SLC24A2: variants seen among roughly 807,000 people sequenced by gnomAD.
SLC24A2 encodes the protein sodium/potassium/calcium exchanger 2.
In SLC24A2, 36 loss-of-function variants were observed where a neutral mutation model predicts 62.0. The ratio of observed to expected loss-of-function variants is 0.58; its 90% confidence interval spans 0.44 to 0.77. The LOEUF (loss-of-function observed/expected upper bound fraction) is 0.77, where lower values mean the gene tolerates loss of function less well. SLC24A2 is among the 30% of genes least tolerant of loss of function. The pLI, the probability that SLC24A2 is intolerant of heterozygous loss-of-function variation, is 0.00. For missense variants in SLC24A2, 846 were observed against 817.9 expected (o/e 1.03, Z -0.42); for synonymous variants, 358 against 294.0 (o/e 1.22, Z -2.23).
chr9:19,680,561 C>T (rs541928576), intron 2 of SLC24A2, among the ~76,000 whole-genome samples: 7 of 151,332 alleles, frequency 4.6e-5, no homozygotes, highest in Admixed American at 2.6e-4. Context: ...AATGCTTTAA[C>T]GCCACTTTCT....
At chr9:20,177,195 C>G in the SLC24A2 span, among the ~76,000 whole-genome samples, 1 of 151,972 alleles carries the variant, frequency 6.6e-6, no homozygotes, top group Non-Finnish European at 1.5e-5. Flanking sequence ...ATCTGTTTGT[C>G]AATTTAAGTT....
At chr9:19,683,385 G>A (rs894476794) in intron 2 of SLC24A2, among the ~76,000 whole-genome samples, 8 of 152,114 alleles carry the variant, frequency 5.3e-5, no homozygotes, top group African/African-American at 7.2e-5. Flanking sequence ...GATGTTGAGC[G>A]GTATCTTGAA....
intron 2 of SLC24A2, among the ~76,000 whole-genome samples, chr9:19,749,256 A>C (rs1270140614): frequency 6.6e-6 from 1 of 152,054 alleles, no homozygotes; most frequent in Non-Finnish European, 1.5e-5. Flanking sequence ...AGAACAGCAT[A>C]CATTTCATTT....
At chr9:19,832,020 G>C in the SLC24A2 span, among the ~76,000 whole-genome samples, 1 of 152,178 alleles carries the variant, frequency 6.6e-6, no homozygotes, top group Non-Finnish European at 1.5e-5. Flanking sequence ...TTTGTTGTTT[G>C]TTGTGAAGTC....
chr9:19,684,062 G>T (rs1336506477), intron 2 of SLC24A2, among the ~76,000 whole-genome samples: 1 of 152,140 alleles, frequency 6.6e-6, no homozygotes, highest in Admixed American at 6.6e-5. Flanking sequence ...CAAGAATTGG[G>T]TTTAAAAACA....
the SLC24A2 span, among the ~76,000 whole-genome samples, chr9:20,154,357 C>T: frequency 3.4e-3 from 518 of 151,780 alleles, 1 homozygote; most frequent in African/African-American, 0.012. Context: ...CTTCTGGATT[C>T]AATGGAGCAC....
chr9:19,713,384 G>C (rs115704790), intron 2 of SLC24A2, among the ~76,000 whole-genome samples: 20 of 152,252 alleles, frequency 1.3e-4, no homozygotes, highest in African/African-American at 4.3e-4. Context: ...TAAGGCTTTA[G>C]CACATTTTCT....
chr9:19,691,064 G>A (rs1381139070), intron 2 of SLC24A2, among the ~76,000 whole-genome samples: 2 of 152,072 alleles, frequency 1.3e-5, no homozygotes, highest in African/African-American at 2.4e-5. Context: ...ATAATTTCAG[G>A]CCCCAGACGT....
At chr9:20,023,926 A>G in the SLC24A2 span, among the ~76,000 whole-genome samples, 1 of 152,234 alleles carries the variant, frequency 6.6e-6, no homozygotes, top group Non-Finnish European at 1.5e-5. Context: ...AGAGTGAGGA[A>G]GCTCTGTGCT....
At chr9:20,117,820 C>T in the SLC24A2 span, among the ~76,000 whole-genome samples, 1 of 152,018 alleles carries the variant, frequency 6.6e-6, no homozygotes, top group African/African-American at 2.4e-5. Context: ...CATGAATTAC[C>T]TCATTTAATT....
chr9:19,974,898 T>C, the SLC24A2 span, among the ~76,000 whole-genome samples: 1 of 152,202 alleles, frequency 6.6e-6, no homozygotes, highest in African/African-American at 2.4e-5. Context: ...CCGTCAGGGT[T>C]ACAAGATGGA....
chr9:20,302,051 C>T, the SLC24A2 span, among the ~76,000 whole-genome samples: 62 of 152,296 alleles, frequency 4.1e-4, no homozygotes, highest in Non-Finnish European at 6.5e-4. Flanking sequence ...ATTTAAGTTT[C>T]CTCATGGCTT....
the SLC24A2 span, among the ~76,000 whole-genome samples, chr9:20,109,973 C>T: frequency 1.3e-5 from 2 of 152,216 alleles, no homozygotes; most frequent in African/African-American, 4.8e-5. Context: ...TTATTGTCTT[C>T]TTTTTACACA....
chr9:20,093,885 T>C, the SLC24A2 span, among the ~76,000 whole-genome samples: 3 of 152,208 alleles, frequency 2.0e-5, no homozygotes, highest in Non-Finnish European at 4.4e-5. Flanking sequence ...CTGAAATGAT[T>C]ATCATGCATT....
chr9:20,197,366 A>G, the SLC24A2 span, among the ~76,000 whole-genome samples: 2 of 149,576 alleles, frequency 1.3e-5, no homozygotes, highest in African/African-American at 4.9e-5. Context: ...CATTTTCACC[A>G]TTGTAGTTTC....
chr9:19,788,040 A>G (rs1450929989), intron 1 of SLC24A2, among the ~76,000 whole-genome samples: 3 of 152,340 alleles, frequency 2.0e-5, no homozygotes, highest in East Asian at 1.9e-4. Flanking sequence ...TAAAAAGACT[A>G]TTCTTTTCCA....
intron 2 of SLC24A2, among the ~76,000 whole-genome samples, chr9:19,720,281 T>C (rs1279470415): frequency 6.6e-6 from 1 of 152,170 alleles, no homozygotes; most frequent in Non-Finnish European, 1.5e-5. Context: ...AAGCTGAAAA[T>C]ATTACATCTT....
At position 19,786,069 on chromosome 9, in the gene SLC24A2, G is replaced by A. The variant is rs746441972; in HGVS notation, c.798C>T (p.Ser266=). 5 of 1,614,178 alleles carry A rather than the reference G, an allele frequency of 3.1e-6. No homozygotes were observed. The highest frequency in any genetic ancestry group is 4.2e-6 in the Non-Finnish European group (5 of 1,180,026). The part of the protein sequence containing the change: ...FLDNVIMWWE[S]LLLLTAYFCY... ...AAAAATAAGCTGTTAAGAGAAGCAA[G>A]CTTTCCCACCACATGATGACATTAT... Residue 266 remains serine (S), a synonymous_variant, in exon 2 of 11, where the codon AGC becomes AGT. Transcript: ENST00000341998. This position sits in a 1 kb window ranked among gnomAD's most constrained non-coding sequence, Gnocchi z 5.0.
At chr9:20,145,736 T>C in the SLC24A2 span, among the ~76,000 whole-genome samples, 2 of 151,768 alleles carry the variant, frequency 1.3e-5, no homozygotes, top group Non-Finnish European at 2.9e-5. Context: ...AAAAGCACTA[T>C]TTTCCTGGAT....
Sources: allele counts gnomAD v4.1 joint callset (sites outside exome capture counted in the v4.1 genomes callset), GRCh38; gene constraint gnomAD v4.1.1; non-coding constraint Gnocchi (gnomAD v3.1); transcripts MANE v1.5; gene names NCBI Gene and HGNC (gene_info 2026-07-23, HGNC 2026-07-21).